GSE1: variants seen among roughly 807,000 people sequenced by gnomAD.
GSE1 encodes genetic suppressor element 1.
Under a neutral mutation model 112.6 loss-of-function variants are expected in GSE1, and 32 were observed. The ratio of observed to expected loss-of-function variants is 0.28; its 90% CI spans 0.21 to 0.38. The LOEUF (loss-of-function observed/expected upper bound fraction) is 0.38. GSE1 is among the 10% of genes least tolerant of loss of function. The pLI, the probability that GSE1 is intolerant of heterozygous loss-of-function variation, is 1.00. For missense variants in GSE1, 2,348 were observed against 1,699.2 expected (o/e 1.38, Z -6.71); for synonymous variants, 1,115 against 735.6 (o/e 1.52, Z -8.35).
exon 1 of GSE1, chr16:85,170,637 C>G (rs542620495): frequency 9.1e-6 from 9 of 985,402 alleles, no homozygotes; most frequent in Non-Finnish European, 1.1e-5. Flanking sequence ...GCTGCTACAT[C>G]TGCGGGGCCC....
intron 1 of GSE1, among the ~76,000 whole-genome samples, chr16:85,314,179 C>T (rs1161318674): frequency 6.6e-6 from 1 of 152,178 alleles, no homozygotes; most frequent in Non-Finnish European, 1.5e-5. Context: ...TGAGGCAGTG[C>T]CTCACAGAGC....
At chr16:85,662,002 A>G (rs1039573792) in intron 9 of GSE1, among the ~76,000 whole-genome samples, 3 of 152,230 alleles carry the variant, frequency 2.0e-5, no homozygotes, top group African/African-American at 7.2e-5. Flanking sequence ...AAAAAGCCAA[A>G]TCAAAGCCCG....
At chr16:85,543,018 G>C (rs1326733812) in intron 2 of GSE1, among the ~76,000 whole-genome samples, 1 of 152,118 alleles carries the variant, frequency 6.6e-6, no homozygotes, top group Non-Finnish European at 1.5e-5. Flanking sequence ...ATGAGTTCAG[G>C]AGTTCAAGAC....
chr16:85,666,357 C>G lies in GSE1; in HGVS notation c.3130+10C>G, dbSNP rs376053255. On this transcript the variant is annotated intron_variant, in intron 13 of 15. Transcript: ENST00000253458. ...CTGCAGAAGCATAAAGGTAATGAGGCTGCCAGTCCCTGCTCAGCTCTCGGC... is the reference window on the plus strand; with the variant it reads ...CTGCAGAAGCATAAAGGTAATGAGGGTGCCAGTCCCTGCTCAGCTCTCGGC... 6.2e-7 allele frequency: 1 copy of G among 1,613,034 alleles called. No individual in the cohort carries two copies. Among genetic ancestry groups the G allele is most frequent in the Non-Finnish European group, 8.5e-7 (1 of 1,179,944 alleles).
At chr16:85,266,359 A>T (rs1908251143) in intron 1 of GSE1, among the ~76,000 whole-genome samples, 1 of 152,168 alleles carries the variant, frequency 6.6e-6, no homozygotes, top group African/African-American at 2.4e-5. Flanking sequence ...GTTGAGCCAA[A>T]TTGGAGATTG....
chr16:85,669,707 ATTCTTCTGTATT>A (rs1467841244), intron 14 of GSE1, among the ~76,000 whole-genome samples: 2 of 151,962 alleles, frequency 1.3e-5, no homozygotes, highest in Admixed American at 1.3e-4. Flanking sequence ...CTGTCAGGCT[ATTCTTCTGTATT>A]TTCTTCTGTG....
At chr16:85,229,287 C>T (rs964101291) in intron 1 of GSE1, among the ~76,000 whole-genome samples, 1 of 152,224 alleles carries the variant, frequency 6.6e-6, no homozygotes, top group African/African-American at 2.4e-5. Flanking sequence ...CAGGCCGGAG[C>T]CAGCTCTGGC....
At chr16:85,226,805 GT>G in intron 1 of GSE1, among the ~76,000 whole-genome samples, 1 of 139,080 alleles carries the variant, frequency 7.2e-6, no homozygotes, top group Non-Finnish European at 1.6e-5. Flanking sequence ...GTGTGTGTGT[GT>G]GTGTGTGTGT....
At chr16:85,632,334 C>T (rs997966093) in intron 1 of GSE1, among the ~76,000 whole-genome samples, 8 of 152,132 alleles carry the variant, frequency 5.3e-5, no homozygotes, top group Non-Finnish European at 8.8e-5. Flanking sequence ...AACTCGTTCC[C>T]GCCTCTCTGT....
chr16:85,438,645 G>C (rs113690650), intron 2 of GSE1, among the ~76,000 whole-genome samples: 13 of 152,336 alleles, frequency 8.5e-5, no homozygotes, highest in African/African-American at 2.6e-4. Flanking sequence ...GTTGCTTCCA[G>C]AGCCTGCGTG....
At chr16:85,251,651 A>T (rs908391945) in intron 1 of GSE1, among the ~76,000 whole-genome samples, 9 of 152,172 alleles carry the variant, frequency 5.9e-5, no homozygotes, top group Non-Finnish European at 1.0e-4. Context: ...GGGCGGTCAG[A>T]CCCTGCCTGC....
intron 1 of GSE1, among the ~76,000 whole-genome samples, chr16:85,338,551 G>T (rs1336086232): frequency 6.6e-6 from 1 of 152,236 alleles, no homozygotes; most frequent in Admixed American, 6.5e-5. Context: ...CAAAGTGCTT[G>T]AGCATTGCAT....
intron 2 of GSE1, among the ~76,000 whole-genome samples, chr16:85,504,249 C>T (rs913318757): frequency 1.3e-5 from 2 of 152,182 alleles, no homozygotes; most frequent in Admixed American, 6.5e-5. Context: ...CCAAAGCCCA[C>T]GATGTAAGAT....
At chr16:85,176,866 G>C (rs927303107) in intron 1 of GSE1, among the ~76,000 whole-genome samples, 1 of 152,224 alleles carries the variant, frequency 6.6e-6, no homozygotes, top group African/African-American at 2.4e-5. Context: ...GACTATCTGC[G>C]CCCACGCAGT....
intron 1 of GSE1, among the ~76,000 whole-genome samples, chr16:85,266,106 CGAGGCTCCCCAGG>C (rs1427093704): frequency 6.6e-6 from 1 of 152,100 alleles, no homozygotes; most frequent in African/African-American, 2.4e-5. Flanking sequence ...CCAAGGAGCC[CGAGGCTCCCCAGG>C]GAGGTGGGGG....
chr16:85,391,349 A>G (rs374969651), intron 2 of GSE1, among the ~76,000 whole-genome samples: 1 of 152,230 alleles, frequency 6.6e-6, no homozygotes, highest in Admixed American at 6.5e-5. Flanking sequence ...GACTTGTGAT[A>G]TCTGTCCCCT....
rs1294448122 is a variant in GSE1 at position 85,478,847 on chromosome 16, CTT to C, written c.2464+121206_2464+121207del. On this transcript the variant is annotated intron_variant, in intron 2 of 2. Coordinates refer to the GSE1 transcript ENST00000637419. ...CATGCCCCGCTCATTTATTTTCTTT[CTT>C]TCTTTCTTTCTTTCTTTCTTTCTTT... 1.7e-3 allele frequency among the ~76,000 whole-genome samples: 10 copies of C among 5,878 alleles called. 2 individuals are homozygous for C. Among genetic ancestry groups the C allele is most frequent in the Non-Finnish European group, 1.5e-3 (4 of 2,720 alleles). 3.9% of individuals were successfully genotyped at this position (5,878 alleles called of 152,430 possible). A position where few individuals can be genotyped will look rare whatever the true frequency, so the allele number is the denominator to read the frequency against.
chr16:85,530,794 G>A (rs149294155), intron 2 of GSE1, among the ~76,000 whole-genome samples: 2 of 152,408 alleles, frequency 1.3e-5, no homozygotes, highest in African/African-American at 4.8e-5. Context: ...ATAGTTGGGT[G>A]TCATCGGAGG....
At chr16:85,628,127 T>C (rs555205814) in intron 1 of GSE1, among the ~76,000 whole-genome samples, 1 of 152,284 alleles carries the variant, frequency 6.6e-6, no homozygotes, top group South Asian at 2.1e-4. Flanking sequence ...GCTCTTGGCC[T>C]CCTGTCCTGG....
Sources: gnomAD v4.1 joint callset for allele counts (sites outside exome capture counted in the v4.1 genomes callset) on GRCh38, gnomAD v4.1.1 for gene constraint, MANE v1.5 for transcripts, NCBI Gene and HGNC (gene_info 2026-07-23, HGNC 2026-07-21) for gene names.